ANKRD27: variants seen among roughly 807,000 people sequenced by gnomAD.
ANKRD27 encodes the protein ankyrin repeat domain-containing protein 27.
In ANKRD27, 112 loss-of-function variants were observed where a neutral mutation model predicts 129.7. The ratio of observed to expected loss-of-function variants is 0.86; its 90% CI spans 0.74 to 1.01. ANKRD27 has a LOEUF of 1.01. Ranked by LOEUF, ANKRD27 falls within the 50% of genes least tolerant of loss-of-function variation. The pLI is 0.00. For synonymous variants in ANKRD27, 516 were observed against 511.2 expected (o/e 1.01, Z -0.13); for missense variants, 1,258 against 1,300.5 (o/e 0.97, Z 0.50).
chr19:32,622,465 T>C lies in ANKRD27; in HGVS notation c.1784A>G (p.Asn595Ser). ...CTTGAGGGGCGTCTCCTTCAGTCTGTTCTGGATCTCGGTGGACGCTCCGTT... is the reference window on the plus strand; with the variant it reads ...CTTGAGGGGCGTCTCCTTCAGTCTGCTCTGGATCTCGGTGGACGCTCCGTT... ...LQNGASTEIQ[N>S]RLKETPLKCA... Residue 595 changes from asparagine (N) to serine (S), a missense_variant, in exon 18 of 29, where the codon AAC becomes AGC. Physicochemically the swap from Asn to Ser is conservative, Grantham distance 46 (BLOSUM62 1). Coordinates refer to ENST00000306065, the MANE Select transcript of ANKRD27 (RefSeq NM_032139.3). 3 of 1,613,986 alleles carry C rather than the reference T, an allele frequency of 1.9e-6. No homozygotes were observed. Among genetic ancestry groups the C allele is most frequent in the Non-Finnish European group, 2.5e-6 (3 of 1,180,026 alleles).
intron 2 of ANKRD27, among the ~76,000 whole-genome samples, chr19:32,653,233 G>T (rs1967453730): frequency 6.6e-6 from 1 of 152,160 alleles, no homozygotes; most frequent in Admixed American, 6.6e-5. Context: ...TGGAGCAGGG[G>T]TCTCAGCGCC....
At chr19:32,620,679 G>C (rs568275065) in intron 18 of ANKRD27, among the ~76,000 whole-genome samples, 1 of 152,024 alleles carries the variant, frequency 6.6e-6, no homozygotes, top group Non-Finnish European at 1.5e-5. Context: ...TTGAGGTCAT[G>C]AGTTTGAGAC....
At chr19:32,610,885 C>A (rs773477179) in intron 22 of ANKRD27, among the ~76,000 whole-genome samples, 5 of 151,934 alleles carry the variant, frequency 3.3e-5, no homozygotes, top group Non-Finnish European at 2.9e-5. Flanking sequence ...GAGGCTGGGG[C>A]AGGAGGATCA....
chr19:32,639,949 C>A (rs535559598), intron 11 of ANKRD27, among the ~76,000 whole-genome samples: 6 of 152,096 alleles, frequency 3.9e-5, no homozygotes, highest in African/African-American at 1.4e-4. Flanking sequence ...ATTAGAACTA[C>A]CACAGTGCAG....
chr19:32,665,989 A>G (rs1374470423), intron 1 of ANKRD27, among the ~76,000 whole-genome samples: 1 of 151,656 alleles, frequency 6.6e-6, no homozygotes, highest in Non-Finnish European at 1.5e-5. Flanking sequence ...GCTGGTCTTG[A>G]ACTCCTGGCT....
At position 32,625,910 on chromosome 19, in the gene ANKRD27, C is replaced by G. The variant is rs200804170; in HGVS notation, c.1593G>C (p.Thr531=). Residue 531 remains threonine, a synonymous_variant, in exon 17 of 29, where the codon ACG becomes ACC. Coordinates refer to ENST00000306065, the MANE Select transcript of ANKRD27 (RefSeq NM_032139.3). ...SAEVQDNNGN[T]PLHLACTYGH... ...CGTAGGTGCAGGCCAGGTGGAGTGGCGTATTCCCATTGTTGTCCTGCACTT... is the reference window on the plus strand; with the variant it reads ...CGTAGGTGCAGGCCAGGTGGAGTGGGGTATTCCCATTGTTGTCCTGCACTT... The G allele has an allele frequency of 6.2e-7, 1 of 1,610,594 alleles. No individual in the cohort carries two copies. The highest frequency in any genetic ancestry group is 2.2e-5 in the East Asian group (1 of 44,680).
At chr19:32,601,061 G>A (rs1346197912) in intron 26 of ANKRD27, among the ~76,000 whole-genome samples, 1 of 152,162 alleles carries the variant, frequency 6.6e-6, no homozygotes, top group Admixed American at 6.5e-5. Context: ...CACTTTGGGA[G>A]GCCAAGGAGG....
chr19:32,607,397 C>T (rs1228098447), intron 23 of ANKRD27, among the ~76,000 whole-genome samples: 2 of 152,112 alleles, frequency 1.3e-5, no homozygotes, highest in East Asian at 3.9e-4. Flanking sequence ...AGAATGACAA[C>T]CTCGGTATCA....
At chr19:32,611,990 C>A (rs751816354) in intron 22 of ANKRD27, among the ~76,000 whole-genome samples, 2 of 152,232 alleles carry the variant, frequency 1.3e-5, no homozygotes, top group Admixed American at 6.5e-5. Flanking sequence ...CCTCTAACCT[C>A]GGCCTCCCAA....
At chr19:32,610,807 GAAGT>G (rs1363426047) in intron 22 of ANKRD27, among the ~76,000 whole-genome samples, 1 of 151,382 alleles carries the variant, frequency 6.6e-6, no homozygotes, top group Non-Finnish European at 1.5e-5. Flanking sequence ...AGAAAAAAAA[GAAGT>G]AATACATTAA....
chr19:32,662,431 G>A (rs914830474), intron 1 of ANKRD27, among the ~76,000 whole-genome samples: 3 of 151,256 alleles, frequency 2.0e-5, no homozygotes, highest in Non-Finnish European at 4.4e-5. Context: ...ATTTGTGAGT[G>A]TCAGCTTCAA....
Position 32,671,288 on chromosome 19 carries a change from C to CAA in ANKRD27, c.-31+3781_-31+3782dup, listed in dbSNP as rs71336943. Reference sequence around the variant, plus strand: ...AGGCGACAGAGGAAGACCCTGTCTCCAAAAAAAAAAAGTAATAATCTCATA... The same window carrying CAA: ...AGGCGACAGAGGAAGACCCTGTCTCCAAAAAAAAAAAAAGTAATAATCTCATA... On this transcript the variant is annotated intron_variant, in intron 1 of 28. Coordinates refer to ENST00000306065, the MANE Select transcript of ANKRD27 (RefSeq NM_032139.3). Among the ~76,000 whole-genome samples, 898 of 147,634 alleles carry CAA rather than the reference C, an allele frequency of 6.1e-3. 11 individuals carry two copies. Among genetic ancestry groups the CAA allele is most frequent in the African/African-American group, 0.016 (653 of 39,926 alleles).
At chr19:32,621,829 G>A (rs1172600444) in intron 18 of ANKRD27, among the ~76,000 whole-genome samples, 1 of 151,980 alleles carries the variant, frequency 6.6e-6, no homozygotes, top group African/African-American at 2.4e-5. Flanking sequence ...CCTCTCTAAC[G>A]ATGCCATTCA....
At chr19:32,664,634 A>C (rs1331548928) in intron 1 of ANKRD27, among the ~76,000 whole-genome samples, 3 of 144,554 alleles carry the variant, frequency 2.1e-5, no homozygotes, top group Non-Finnish European at 1.5e-5. Flanking sequence ...AATAATAATA[A>C]TAATAATAAT....
intron 4 of ANKRD27, among the ~76,000 whole-genome samples, chr19:32,644,764 T>C (rs1016333944): frequency 4.6e-5 from 7 of 152,228 alleles, no homozygotes; most frequent in African/African-American, 1.7e-4. Context: ...CTCAATTTTC[T>C]GGGGCAAATG....
chr19:32,674,226 G>A (rs966367579), intron 1 of ANKRD27, among the ~76,000 whole-genome samples: 3 of 152,176 alleles, frequency 2.0e-5, no homozygotes, highest in African/African-American at 7.2e-5. Flanking sequence ...CCAGTGGGAA[G>A]AGTGCATTTT....
intron 13 of ANKRD27, among the ~76,000 whole-genome samples, chr19:32,630,706 C>T (rs1011014877): frequency 1.6e-4 from 24 of 152,330 alleles, no homozygotes; most frequent in African/African-American, 5.8e-4. Context: ...TCATAGCTCA[C>T]GGCAGCCTCC....
In ANKRD27 at chr19:32,622,467, C is replaced by G; in HGVS notation, c.1782G>C (p.Gln594His). ...TGAGGGGCGTCTCCTTCAGTCTGTT[C>G]TGGATCTCGGTGGACGCTCCGTTCT... ...LLQNGASTEI[Q>H]NRLKETPLKC... Residue 594 changes from glutamine (Q) to histidine (H), a missense_variant, in exon 18 of 29, where the codon CAG (glutamine) becomes CAC (histidine). Coordinates refer to ENST00000306065, the MANE Select transcript of ANKRD27 (RefSeq NM_032139.3). 1 of 1,613,916 alleles carries G rather than the reference C, an allele frequency of 6.2e-7. No individual in the cohort carries two copies. Among genetic ancestry groups the G allele is most frequent in the Non-Finnish European group, 8.5e-7 (1 of 1,180,028 alleles).
At chr19:32,652,332 G>A (rs1599767315) in intron 2 of ANKRD27, among the ~76,000 whole-genome samples, 1 of 152,238 alleles carries the variant, frequency 6.6e-6, no homozygotes, top group Non-Finnish European at 1.5e-5. Flanking sequence ...GCTCACGCCT[G>A]TAATTCCAAC....
Sources: allele counts gnomAD v4.1 joint callset (sites outside exome capture counted in the v4.1 genomes callset), GRCh38; gene constraint gnomAD v4.1.1; transcripts MANE v1.5; gene names NCBI Gene and HGNC (gene_info 2026-07-23, HGNC 2026-07-21).